The following XRCC3 variants were observed in gnomAD, a reference collection of about 807,000 sequenced individuals.
XRCC3 encodes the protein DNA repair protein XRCC3.
In XRCC3, 34 loss-of-function variants were observed where a neutral mutation model predicts 29.2. The observed-to-expected ratio is 1.16, with a 90% CI of 0.88 to 1.55. XRCC3 has a LOEUF of 1.55. XRCC3 is among the 40% of genes most tolerant of loss of function. The pLI is 0.00. For missense variants in XRCC3, 463 were observed against 467.6 expected (o/e 0.99, Z 0.09); for synonymous variants, 223 against 211.3 (o/e 1.06, Z -0.48).
chr14:103,706,630 G>T, intron 6 of XRCC3: 1 of 386,102 alleles, frequency 2.6e-6, no homozygotes, highest in Non-Finnish European at 5.0e-6. Context: ...CCTGGCGGCG[G>T]GGCACCCGGG....
At chr14:103,710,853 A>AACACACACAC (rs71126055) in intron 4 of XRCC3, 180 bp downstream of exon 4, 15,405 of 562,150 alleles carry the variant, frequency 0.027, 87 homozygotes, top group South Asian at 0.054. Flanking sequence ...TGTAGTTAAG[A>AACACACACAC]ACACACACAC....
chr14:103,703,080 G>A, intron 7 of XRCC3, 93 bp downstream of exon 7: 4 of 1,525,546 alleles, frequency 2.6e-6, no homozygotes, highest in Non-Finnish European at 3.5e-6. Context: ...TCCCTGCCCT[G>A]CTGTGAGACC....
intron 7 of XRCC3, 38 bp from the exon 8 acceptor site, chr14:103,699,614 A>C (rs971067447): frequency 1.2e-6 from 2 of 1,607,270 alleles, no homozygotes; most frequent in Non-Finnish European, 1.7e-6. Context: ...CTGGTCAGCA[A>C]GTCCCCGCCC....
chr14:103,715,073 G>A (rs946062041), intron 1 of XRCC3, among the ~76,000 whole-genome samples: 4 of 152,234 alleles, frequency 2.6e-5, no homozygotes, highest in African/African-American at 9.6e-5. Context: ...CCAGGCGGAC[G>A]AGCGAAGGCA....
Position 103,699,012 on chromosome 14 carries a change from C to T in XRCC3, c.827G>A (p.Trp276Ter), listed in dbSNP as rs140979846. 1.3e-6 allele frequency: 2 copies of T among 1,586,154 alleles called. No individual in the cohort carries two copies. Among genetic ancestry groups the T allele is most frequent in the African/African-American group, 2.7e-5 (2 of 74,102 alleles). The change falls in exon 10 of 10, where the codon TGG becomes TAG. Residue 276 changes from tryptophan to a stop codon, truncating the protein, a stop_gained. Transcript: ENST00000555055. LOFTEE classifies it low-confidence loss of function (END_TRUNC). ...QGAAHGPLGF[W>*]DERVSPALGI... ...AAGGGCTGGGGAAACACGTTCGTCCCAGAACCTGAGAAACAGGAAGCAGGC... is the reference window on the plus strand; with the variant it reads ...AAGGGCTGGGGAAACACGTTCGTCCTAGAACCTGAGAAACAGGAAGCAGGC...
At chr14:103,707,335 T>C (rs573366867) in intron 5 of XRCC3, 120 bp from the exon 6 acceptor site, 2 of 1,287,920 alleles carry the variant, frequency 1.6e-6, no homozygotes, top group South Asian at 2.6e-5. Flanking sequence ...CACAGGTGCC[T>C]GCGGTCATGG....
At position 103,708,647 on chromosome 14, in the gene XRCC3, G is replaced by A. The variant is rs748765569; in HGVS notation, c.68C>T (p.Ser23Leu). The A allele has an allele frequency of 2.5e-5, 40 of 1,614,136 alleles. No individual in the cohort carries two copies. The highest frequency in any genetic ancestry group is 3.3e-5 in the Admixed American group (2 of 60,018). ...AGAAAAGTGTAAAACCTCCTTTACC[G>A]ATTTCAGTTTGGCTGAAATAACACA... ...IAAIKKAKLKSVKEVLHFSGP... is the reference protein window; with the variant it reads ...IAAIKKAKLKLVKEVLHFSGP... The change falls in exon 5 of 10, where the codon TCG becomes TTG. Residue 23 changes from serine (S) to leucine (L), a missense_variant. Physicochemically the swap from Ser to Leu is moderately radical, Grantham distance 145 (BLOSUM62 -2). Transcript: ENST00000555055.
In XRCC3 at chr14:103,708,315, C is replaced by G. The variant is rs575884595; in HGVS notation, c.193+207G>C. 4 of 713,760 alleles carry G rather than the reference C, an allele frequency of 5.6e-6. No homozygotes were observed. In the South Asian group the frequency reaches 7.0e-5, roughly 13 times the overall value. 44.2% of individuals were successfully genotyped at this position (713,760 alleles called of 1,614,324 possible). A position where few individuals can be genotyped will look rare whatever the true frequency, so the allele number is the denominator to read the frequency against. ...CCCCAGGAGGTCCCACAGCCCGTGT[C>G]CACCTCACGCATCTTCTGACCCGAT... On this transcript the variant is annotated intron_variant, in intron 5 of 9. Transcript: ENST00000555055.
Position 103,698,915 on chromosome 14 carries a change from G to A in XRCC3, c.924C>T (p.Leu308=), listed in dbSNP as rs759227523. 4.6e-5 allele frequency: 74 copies of A among 1,600,618 alleles called. No homozygotes were observed. Among genetic ancestry groups the A allele is most frequent in the Middle Eastern group, 3.3e-4 (2 of 6,048 alleles). Residue 308 remains leucine, a synonymous_variant, in exon 10 of 10, where the codon CTC becomes CTT. Transcript: ENST00000555055. ...ADRLREEEAA[L]GCPARTLRVL... ...CCCGCAGGGTCCGGGCTGGGCAGCC[G>A]AGGGCAGCCTCTTCCTCGCGGAGCC...
At position 103,698,758 on chromosome 14, in the gene XRCC3, G is replaced by A. The variant is rs565417023; in HGVS notation, c.*40C>T. The A allele has an allele frequency of 2.8e-5, 44 of 1,547,398 alleles. No homozygotes were observed. The highest frequency in any genetic ancestry group is 1.4e-4 in the African/African-American group (10 of 73,400). The stretch of plus-strand genomic sequence containing the variant: ...TTTAAAGGCCCGAGCCCCGTGTGTC[G>A]GGGCTTCTCAGGCAGGGCTGTTGTG... On this transcript the variant is annotated 3_prime_UTR_variant, in exon 10 of 10. Coordinates refer to ENST00000555055, the MANE Select transcript of XRCC3 (RefSeq NM_005432.4).
rs772522836 is a variant in XRCC3 at position 103,707,178 on chromosome 14, C to T, written c.231G>A (p.Thr77=). 50 of 1,549,146 alleles carry T rather than the reference C, an allele frequency of 3.2e-5. No individual in the cohort carries two copies. Among genetic ancestry groups the T allele is most frequent in the Middle Eastern group, 1.9e-4 (1 of 5,174 alleles). Residue 77 remains threonine, a synonymous_variant, in exon 6 of 10, where the codon ACG becomes ACA. Coordinates refer to ENST00000555055, the MANE Select transcript of XRCC3 (RefSeq NM_005432.4). ...QLHQQKERFP[T]QHQRLSLGCP... ...AGCCCAGGCTCAGGCGCTGGTGCTG[C>T]GTGGGGAACCGCTCCTTCTGCTGGT... is the stretch of plus-strand genomic sequence containing the variant.
rs142651063 is a variant in XRCC3 at position 103,707,815 on chromosome 14, G to T, written c.194-600C>A. On this transcript the variant is annotated intron_variant, in intron 5 of 9. Coordinates refer to ENST00000555055, the MANE Select transcript of XRCC3 (RefSeq NM_005432.4). ...GTGCAGGCTGCGCTCTTGGCCTGGGGCCTGGGCCGGGAGGAGCAGCCCCTC... is the reference window on the plus strand; with the variant it reads ...GTGCAGGCTGCGCTCTTGGCCTGGGTCCTGGGCCGGGAGGAGCAGCCCCTC... 2.3e-3 allele frequency: 430 copies of T among 188,634 alleles called. 2 individuals carry two copies. The highest frequency in any genetic ancestry group is 9.8e-3 in the African/African-American group (414 of 42,234). 11.7% of individuals were successfully genotyped at this position (188,634 alleles called of 1,614,324 possible). A position where few individuals can be genotyped will look rare whatever the true frequency, so the allele number is the denominator to read the frequency against.
chr14:103,710,853 AACACACACACACACACAC>A, intron 4 of XRCC3, 162 bp downstream of exon 4: 2 of 562,766 alleles, frequency 3.6e-6, no homozygotes. Flanking sequence ...TGTAGTTAAG[AACACACACACACACACAC>A]ACACACACAC....
Position 103,698,747 on chromosome 14 carries a change from C to T in XRCC3, c.*51G>A. 1 of 1,521,970 alleles carries T rather than the reference C, an allele frequency of 6.6e-7. No homozygotes were observed. The highest frequency in any genetic ancestry group is 8.9e-7 in the Non-Finnish European group (1 of 1,121,222). The allele number at this position is 1,521,970 out of a possible 1,614,324, so 94.3% of individuals were successfully genotyped here. On this transcript the variant is annotated 3_prime_UTR_variant, in exon 10 of 10. Coordinates refer to ENST00000555055, the MANE Select transcript of XRCC3 (RefSeq NM_005432.4). ...GGCAGACGCGTTTTAAAGGCCCGAGCCCCGTGTGTCGGGGCTTCTCAGGCA... is the reference window on the plus strand; with the variant it reads ...GGCAGACGCGTTTTAAAGGCCCGAGTCCCGTGTGTCGGGGCTTCTCAGGCA...
intron 7 of XRCC3, among the ~76,000 whole-genome samples, chr14:103,700,964 C>T (rs1232232297): frequency 6.6e-6 from 1 of 152,216 alleles, no homozygotes; most frequent in Non-Finnish European, 1.5e-5. Flanking sequence ...GGCTCTGTGT[C>T]CACACCCCTG....
chr14:103,707,861 C>T lies in XRCC3; in HGVS notation c.194-646G>A, dbSNP rs952285622. On this transcript the variant is annotated intron_variant, in intron 5 of 9. Coordinates refer to ENST00000555055, the MANE Select transcript of XRCC3 (RefSeq NM_005432.4). Reference sequence around the variant, plus strand: ...CCCTCCCTTGGAGTCTGCACACTGCCTTGGGCACCCCGTCCAGGTGGAGCA... The same window carrying T: ...CCCTCCCTTGGAGTCTGCACACTGCTTTGGGCACCCCGTCCAGGTGGAGCA... 3 of 192,006 alleles carry T rather than the reference C, an allele frequency of 1.6e-5. No homozygotes were observed. In the East Asian group the frequency reaches 3.8e-4, roughly 24 times the overall value. 11.9% of individuals were successfully genotyped at this position (192,006 alleles called of 1,614,324 possible). A position where few individuals can be genotyped will look rare whatever the true frequency, so the allele number is the denominator to read the frequency against.
intron 4 of XRCC3, chr14:103,710,190 A>G (rs2083575080): frequency 6.6e-6 from 1 of 152,200 alleles, no homozygotes; most frequent in East Asian, 1.9e-4. Flanking sequence ...AAAGAAAACC[A>G]TCCCCTGCAC....
At chr14:103,699,106 G>GTGCACACACCACATGGC (rs2082857773) in intron 9 of XRCC3, 27 bp downstream of exon 9, 1 of 1,569,782 alleles carries the variant, frequency 6.4e-7, no homozygotes, top group African/African-American at 1.4e-5. Flanking sequence ...CTGCACAGAG[G>GTGCACACACCACATGGC]TGCACACACC....
At chr14:103,700,214 A>G (rs2083036715) in intron 7 of XRCC3, 1 of 198,390 alleles carries the variant, frequency 5.0e-6, no homozygotes, top group Non-Finnish European at 1.0e-5. Context: ...CCTCCCGTGC[A>G]TCCAGGCCTT....
Sources: gnomAD v4.1 joint callset for allele counts (sites outside exome capture counted in the v4.1 genomes callset) on GRCh38, gnomAD v4.1.1 for gene constraint, MANE v1.5 for transcripts, NCBI Gene and HGNC (gene_info 2026-07-23, HGNC 2026-07-21) for gene names.